Variants in HHAT observed in about 807,000 individuals in gnomAD.
HHAT encodes the protein protein-cysteine N-palmitoyltransferase HHAT.
Under a neutral mutation model 70.8 loss-of-function variants are expected in HHAT, and 47 were observed. That is an observed-to-expected ratio of 0.66 (90% CI 0.53 to 0.85). The LOEUF is 0.85. Ranked by LOEUF, HHAT falls within the 40% of genes least tolerant of loss-of-function variation. The pLI is 0.00. For synonymous variants in HHAT, 228 were observed against 247.6 expected (o/e 0.92, Z 0.74); for missense variants, 609 against 604.8 (o/e 1.01, Z -0.07).
At chr1:210,457,063 G>A (rs2093884581) in intron 7 of HHAT, among the ~76,000 whole-genome samples, 1 of 152,142 alleles carries the variant, frequency 6.6e-6, no homozygotes, top group Non-Finnish European at 1.5e-5. Flanking sequence ...CAGAACTCCT[G>A]TGGGGCAATA....
intron 8 of HHAT, among the ~76,000 whole-genome samples, chr1:210,480,788 GA>G (rs2094384374): frequency 6.6e-6 from 1 of 152,114 alleles, no homozygotes; most frequent in Non-Finnish European, 1.5e-5. Flanking sequence ...TCCCCTCCAG[GA>G]GAGCATTCCC....
rs558787915 is a variant in HHAT at position 210,508,417 on chromosome 1, AT to A, written c.1008-4735del. Among the ~76,000 whole-genome samples the A allele has an allele frequency of 7.2e-5, 11 of 152,282 alleles. No individual in the cohort carries two copies. The South Asian group carries it at 1.9e-3, about 26-fold the overall frequency. On this transcript the variant is annotated intron_variant, in intron 8 of 11. Coordinates refer to ENST00000261458, the MANE Select transcript of HHAT (RefSeq NM_018194.6). Reference sequence around the variant, plus strand: ...GAGTCACTTTCTCATATGATACTTAATAAAATTATTAAGTAATGATGAAATA... The same window carrying A: ...GAGTCACTTTCTCATATGATACTTAAAAAATTATTAAGTAATGATGAAATA...
At chr1:210,671,828 A>G (rs1303742707) in intron 11 of HHAT, among the ~76,000 whole-genome samples, 1 of 152,172 alleles carries the variant, frequency 6.6e-6, no homozygotes, top group Admixed American at 6.5e-5. Flanking sequence ...CAGGAGGTGG[A>G]GCTGTGGGGC....
In HHAT at chr1:210,365,309, G is replaced by GTTTTTTT. The variant is rs4027290; in HGVS notation, c.159+2409_159+2415dup. Among the ~76,000 whole-genome samples the GTTTTTTT allele has an allele frequency of 8.8e-3, 692 of 78,330 alleles. 55 individuals are homozygous for GTTTTTTT. Among genetic ancestry groups the GTTTTTTT allele is most frequent in the Admixed American group, 9.4e-3 (48 of 5,090 alleles). 51.4% of individuals were successfully genotyped at this position (78,330 alleles called of 152,430 possible). On this transcript the variant is annotated intron_variant, in intron 3 of 11. Coordinates refer to ENST00000261458, the MANE Select transcript of HHAT (RefSeq NM_018194.6). ...TTGGTAAACCTCAGTACTGCTGACAGTTTTTTTTTTTTTTTTTTTTTTTTT... is the reference window on the plus strand; with the variant it reads ...TTGGTAAACCTCAGTACTGCTGACAGTTTTTTTTTTTTTTTTTTTTTTTTTTTTTTTT...
intron 10 of HHAT, among the ~76,000 whole-genome samples, chr1:210,596,014 T>G (rs540717609): frequency 1.0e-3 from 152 of 152,316 alleles, no homozygotes; most frequent in African/African-American, 3.6e-3. Context: ...TGCCATTGCT[T>G]TTGGTGTTTT....
chr1:210,624,426 G>A (rs1669459489), intron 11 of HHAT, among the ~76,000 whole-genome samples: 1 of 152,118 alleles, frequency 6.6e-6, no homozygotes, highest in African/African-American at 2.4e-5. Context: ...GCAATATACT[G>A]CAAAATCTAA....
chr1:210,502,039 T>A lies in HHAT; in HGVS notation c.1008-11114T>A, dbSNP rs929312495. Reference sequence around the variant, plus strand: ...TATTCTTCTTCTTTTTTTTTTTTTTTAAGTGGAATGTTATTATATTTTGCT... The same window carrying A: ...TATTCTTCTTCTTTTTTTTTTTTTTAAAGTGGAATGTTATTATATTTTGCT... On this transcript the variant is annotated intron_variant, in intron 8 of 11. Coordinates refer to ENST00000261458, the MANE Select transcript of HHAT (RefSeq NM_018194.6). Among the ~76,000 whole-genome samples, 3 of 136,932 alleles carry A rather than the reference T, an allele frequency of 2.2e-5. No homozygotes were observed. In the Admixed American group the frequency reaches 2.2e-4, roughly 10 times the overall value. 89.8% of individuals were successfully genotyped at this position (136,932 alleles called of 152,430 possible).
intron 3 of HHAT, among the ~76,000 whole-genome samples, chr1:210,383,648 A>G (rs541243692): frequency 3.3e-5 from 5 of 152,304 alleles, no homozygotes; most frequent in South Asian, 4.2e-4. Flanking sequence ...TGGGGTATCA[A>G]TGTAGGTTCA....
At chr1:210,471,755 T>C (rs954123707) in intron 8 of HHAT, among the ~76,000 whole-genome samples, 2 of 152,244 alleles carry the variant, frequency 1.3e-5, no homozygotes, top group Non-Finnish European at 2.9e-5. Context: ...TAAAATAACA[T>C]TAAGCCCATT....
intron 9 of HHAT, among the ~76,000 whole-genome samples, chr1:210,558,241 T>G (rs1573309579): frequency 6.6e-6 from 1 of 152,308 alleles, no homozygotes; most frequent in African/African-American, 2.4e-5. Context: ...AGAAAACGTG[T>G]TTCACAAAAC....
intron 9 of HHAT, among the ~76,000 whole-genome samples, chr1:210,561,684 A>G (rs2095623902): frequency 6.6e-6 from 1 of 152,306 alleles, no homozygotes; most frequent in African/African-American, 2.4e-5. Context: ...GTATATATTT[A>G]TGGGGTATAA....
chr1:210,350,341 A>G (rs546555070), intron 2 of HHAT, among the ~76,000 whole-genome samples: 1 of 152,372 alleles, frequency 6.6e-6, no homozygotes, highest in East Asian at 1.9e-4. Flanking sequence ...TTGTGGTTGC[A>G]TTGAATCTAT....
At chr1:210,380,279 GCCT>G (rs2090530926) in intron 3 of HHAT, among the ~76,000 whole-genome samples, 1 of 152,170 alleles carries the variant, frequency 6.6e-6, no homozygotes, top group Non-Finnish European at 1.5e-5. Context: ...GGTGGCTCAC[GCCT>G]ATAATCCCAG....
chr1:210,490,093 C>G (rs1353397910), intron 8 of HHAT, among the ~76,000 whole-genome samples: 8 of 152,214 alleles, frequency 5.3e-5, no homozygotes, highest in Non-Finnish European at 1.2e-4. Context: ...GTTTTTAGAT[C>G]TGTTAACCAG....
intron 10 of HHAT, among the ~76,000 whole-genome samples, chr1:210,613,577 C>T (rs937336860): frequency 6.6e-6 from 1 of 152,072 alleles, no homozygotes; most frequent in Non-Finnish European, 1.5e-5. Flanking sequence ...TCTGCTTTTT[C>T]AAGGTTGTTT....
intron 9 of HHAT, among the ~76,000 whole-genome samples, chr1:210,563,718 T>G (rs1338355332): frequency 2.0e-5 from 3 of 152,204 alleles, no homozygotes; most frequent in African/African-American, 7.2e-5. Context: ...CAGCCCATTG[T>G]TATTCTGTTC....
At chr1:210,406,232 C>A (rs1431480063) in intron 6 of HHAT, among the ~76,000 whole-genome samples, 2 of 152,132 alleles carry the variant, frequency 1.3e-5, no homozygotes, top group African/African-American at 4.8e-5. Context: ...CACAGACACC[C>A]CTCTCCTGAG....
At chr1:210,388,543 A>G (rs1211300658) in intron 4 of HHAT, among the ~76,000 whole-genome samples, 1 of 152,104 alleles carries the variant, frequency 6.6e-6, no homozygotes, top group Non-Finnish European at 1.5e-5. Flanking sequence ...CTTCTTGAAT[A>G]TGATACTGAT....
intron 1 of HHAT, among the ~76,000 whole-genome samples, chr1:210,331,149 T>C (rs2084945576): frequency 6.6e-6 from 1 of 152,118 alleles, no homozygotes; most frequent in African/African-American, 2.4e-5. Context: ...TTGTGGACTT[T>C]ATTTCTATTA....
Sources: allele counts gnomAD v4.1 joint callset (sites outside exome capture counted in the v4.1 genomes callset), GRCh38; gene constraint gnomAD v4.1.1; transcripts MANE v1.5; gene names NCBI Gene and HGNC (gene_info 2026-07-23, HGNC 2026-07-21).